Variants in LRP12 observed in about 807,000 individuals in gnomAD.
LRP12 encodes the protein LDL receptor related protein 12, also known as low-density lipoprotein receptor-related protein 12.
In LRP12, 14 loss-of-function variants were observed where a neutral mutation model predicts 66.0. That is an observed-to-expected ratio of 0.21 (90% CI 0.14 to 0.33). LRP12 has a LOEUF of 0.33. Among genes scored for constraint, LRP12 ranks in the 10% least tolerant of loss-of-function variants. The probability of loss-of-function intolerance (pLI) is 1.00; values close to 1 mark genes in which losing one functional copy is unlikely to be tolerated. For synonymous variants in LRP12, 357 were observed against 359.1 expected, an observed-to-expected ratio of 0.99 and a Z score of 0.07; for missense variants, 889 against 1,053.4, an observed-to-expected ratio of 0.84 and a Z score of 2.16.
At chr8:104,498,791 CTTA>C (rs200171551) in intron 4 of LRP12, among the ~76,000 whole-genome samples, 15 of 152,228 alleles carry the variant, frequency 9.9e-5, no homozygotes, top group South Asian at 8.3e-4. Flanking sequence ...TTGTTAAATA[CTTA>C]TTATTATTCC....
chr8:104,575,257 A>T (rs541157759), intron 1 of LRP12, among the ~76,000 whole-genome samples: 3 of 152,250 alleles, frequency 2.0e-5, no homozygotes, highest in East Asian at 3.9e-4. Context: ...GTGTGACTAG[A>T]GCCCCAAGCC....
At chr8:104,491,592 A>T (rs1441587468) in intron 6 of LRP12, 53 bp from the exon 7 acceptor site, 4 of 1,161,388 alleles carry the variant, frequency 3.4e-6, no homozygotes, top group East Asian at 2.6e-5. Context: ...TACTAAGATA[A>T]AAAAAAAAAA....
intron 3 of LRP12, chr8:104,508,276 A>G (rs1810938432): frequency 6.6e-6 from 1 of 152,114 alleles, no homozygotes; most frequent in African/African-American, 2.4e-5. Context: ...TTATTCCCGT[A>G]CTGTTTTTCT....
At chr8:104,588,195 T>A (rs891959616) in intron 1 of LRP12, among the ~76,000 whole-genome samples, 4 of 151,992 alleles carry the variant, frequency 2.6e-5, no homozygotes, top group African/African-American at 9.7e-5. Context: ...GAGACTGAGG[T>A]GGGGCTGGAA....
intron 1 of LRP12, among the ~76,000 whole-genome samples, chr8:104,559,194 G>A (rs530343782): frequency 1.3e-5 from 2 of 152,186 alleles, no homozygotes; most frequent in South Asian, 2.1e-4. Context: ...GCAAAAATGA[G>A]GAACCAGTGC....
At chr8:104,493,800 G>C (rs1810677056) in intron 6 of LRP12, among the ~76,000 whole-genome samples, 2 of 152,196 alleles carry the variant, frequency 1.3e-5, no homozygotes, top group Non-Finnish European at 2.9e-5. Context: ...TCACATATCT[G>C]TGTTCACACA....
chr8:104,571,240 T>C (rs566241128), intron 1 of LRP12, among the ~76,000 whole-genome samples: 1 of 152,240 alleles, frequency 6.6e-6, no homozygotes, highest in Admixed American at 6.5e-5. Context: ...CAGGAGTCCC[T>C]AACCCCCAGG....
rs546505182 is a variant in LRP12, at chr8:104,525,755, C to A, written c.136+6152G>T. On this transcript the variant is annotated intron_variant, in intron 2 of 6. Transcript: ENST00000276654. ...GAATGGGCAAAAACTGGAAGCATTC[C>A]CTTTGAAAACTGGCACAAGACAGGG... 2.0e-5 allele frequency among the ~76,000 whole-genome samples: 3 copies of A among 152,032 alleles called. No homozygotes were observed. In the East Asian group the frequency reaches 5.8e-4, roughly 29 times the overall value.
intron 2 of LRP12, among the ~76,000 whole-genome samples, chr8:104,531,127 A>T (rs1564137188): frequency 6.6e-6 from 1 of 151,906 alleles, no homozygotes; most frequent in Non-Finnish European, 1.5e-5. Context: ...TGACACAAAG[A>T]AGTTAATCAA....
intron 6 of LRP12, among the ~76,000 whole-genome samples, chr8:104,492,403 A>G (rs892225550): frequency 1.3e-5 from 2 of 152,180 alleles, no homozygotes; most frequent in Admixed American, 6.5e-5. Context: ...ATAGTCTTTA[A>G]GCTCCATCTA....
intron 3 of LRP12, among the ~76,000 whole-genome samples, chr8:104,500,490 G>C (rs1449831742): frequency 6.6e-6 from 1 of 151,956 alleles, no homozygotes; most frequent in Non-Finnish European, 1.5e-5. Context: ...GGCGGATCAC[G>C]AAGTCAGGAG....
chr8:104,548,899 T>C (rs903459663), intron 1 of LRP12, among the ~76,000 whole-genome samples: 6 of 151,176 alleles, frequency 4.0e-5, no homozygotes, highest in Admixed American at 6.6e-5. Flanking sequence ...GACTGCGCCA[T>C]TGCACTCCAG....
At chr8:104,555,896 G>T (rs1254567654) in intron 1 of LRP12, among the ~76,000 whole-genome samples, 1 of 152,034 alleles carries the variant, frequency 6.6e-6, no homozygotes, top group African/African-American at 2.4e-5. Flanking sequence ...CTCCAAGATA[G>T]ACCAAATGAA....
chr8:104,548,173 T>TATAATAC (rs1415721220), intron 1 of LRP12, among the ~76,000 whole-genome samples: 2 of 93,288 alleles, frequency 2.1e-5, no homozygotes, highest in African/African-American at 1.3e-4. Context: ...TTATATATAA[T>TATAATAC]ATAATATATA....
Position 104,491,275 on chromosome 8 carries a change from C to G in LRP12, c.1978G>C (p.Glu660Gln). 6.2e-7 allele frequency: 1 copy of G among 1,614,126 alleles called. No homozygotes were observed. The highest frequency in any genetic ancestry group is 8.5e-7 in the Non-Finnish European group (1 of 1,180,030). The change falls in exon 7 of 7, where the codon GAG becomes CAG. Residue 660 changes from glutamate (E) to glutamine (Q), a missense_variant. Glu to Gln is a conservative substitution (Grantham distance 29). Coordinates refer to ENST00000276654, the MANE Select transcript of LRP12 (RefSeq NM_013437.5). ...GATGCTCCTGCCATATCTCTTCTCT[C>G]ATTTTCTGTGTCTGTATCATCAGAC... Reference protein sequence around the residue: ...VESDDTDTENERRDMAGASGG... With the variant: ...VESDDTDTENQRRDMAGASGG...
chr8:104,531,181 T>C (rs1210987709), intron 2 of LRP12, among the ~76,000 whole-genome samples: 2 of 152,148 alleles, frequency 1.3e-5, no homozygotes, highest in Non-Finnish European at 2.9e-5. Context: ...CACACAAAAC[T>C]TATCAATATA....
intron 2 of LRP12, among the ~76,000 whole-genome samples, chr8:104,531,603 A>G (rs980561949): frequency 6.6e-6 from 1 of 152,120 alleles, no homozygotes; most frequent in East Asian, 1.9e-4. Context: ...TTCATGTCAC[A>G]TAACTTTGTA....
intron 2 of LRP12, among the ~76,000 whole-genome samples, chr8:104,511,600 T>A (rs1213209777): frequency 6.6e-6 from 1 of 152,238 alleles, no homozygotes; most frequent in African/African-American, 2.4e-5. Flanking sequence ...AAGTATATTA[T>A]GTAATTTAAA....
At chr8:104,524,807 T>C (rs1478152723) in intron 2 of LRP12, among the ~76,000 whole-genome samples, 4 of 152,150 alleles carry the variant, frequency 2.6e-5, no homozygotes, top group African/African-American at 7.2e-5. Flanking sequence ...AACAAAAAAC[T>C]TGATTTAGAA....
Sources: allele counts gnomAD v4.1 joint callset (sites outside exome capture counted in the v4.1 genomes callset), GRCh38; gene constraint gnomAD v4.1.1; transcripts MANE v1.5; gene names NCBI Gene and HGNC (gene_info 2026-07-23, HGNC 2026-07-21).